Variants in IGF2R observed in about 807,000 individuals in gnomAD.
IGF2R encodes insulin like growth factor 2 receptor.
A neutral mutation model predicts 270.6 loss-of-function variants in IGF2R; 91 were observed. The ratio of observed to expected loss-of-function variants is 0.34; its 90% CI spans 0.28 to 0.40. The LOEUF (loss-of-function observed/expected upper bound fraction) is 0.40, where lower values mean the gene tolerates loss of function less well. Among genes scored for constraint, IGF2R ranks in the 10% least tolerant of loss-of-function variants. IGF2R has a pLI of 1.00. For synonymous variants in IGF2R, 1,316 were observed against 1,258.9 expected (o/e 1.05, Z -0.96); for missense variants, 2,805 against 3,188.3 (o/e 0.88, Z 2.90).
intron 13 of IGF2R, 25 bp from the exon 14 acceptor site, chr6:160,045,720 C>A (rs765629771): frequency 1.2e-6 from 2 of 1,613,506 alleles, no homozygotes; most frequent in Non-Finnish European, 1.7e-6. Context: ...GATTAGTGAT[C>A]CCCATCTCTT....
chr6:160,011,416 T>G (rs1784331167), intron 4 of IGF2R, among the ~76,000 whole-genome samples: 1 of 152,132 alleles, frequency 6.6e-6, no homozygotes, highest in Non-Finnish European at 1.5e-5. Context: ...TCTTCTTGGG[T>G]GCATGTATGT....
Position 160,084,172 on chromosome 6 carries a change from A to T in IGF2R, c.6056A>T (p.His2019Leu), listed in dbSNP as rs1297889559. Reference protein sequence around the residue: ...SSLTGSWSLVHNGVSYYINLC... With the variant: ...SSLTGSWSLVLNGVSYYINLC... ...CTCACCGGGTCCTGGTCCCTCGTCCACAACGGAGTCTCGTGAGTGCCTTCC... is the reference window on the plus strand; with the variant it reads ...CTCACCGGGTCCTGGTCCCTCGTCCTCAACGGAGTCTCGTGAGTGCCTTCC... Residue 2019 changes from histidine to leucine, a missense_variant, in exon 40 of 48, where the codon CAC becomes CTC. His to Leu is a moderately conservative substitution (Grantham distance 99). Coordinates refer to ENST00000356956, the MANE Select transcript of IGF2R (RefSeq NM_000876.4). The surrounding 1 kb of genome is among the most constrained non-coding windows in gnomAD (Gnocchi z 4.6). The T allele has an allele frequency of 6.2e-7, 1 of 1,610,560 alleles. No individual in the cohort carries two copies.
In IGF2R at chr6:160,062,603, C is replaced by A; in HGVS notation, c.3654C>A (p.Pro1218=). The A allele has an allele frequency of 1.2e-6, 2 of 1,613,206 alleles. No homozygotes were observed. The highest frequency in any genetic ancestry group is 1.7e-6 in the Non-Finnish European group (2 of 1,179,292). ...TCTGGAGAACTGTGGAAGCCTGTCC[C>A]GTTGTCAGAGTGGAAGGTAGGACTG... The part of the protein sequence containing the change: ...VFIWRTVEAC[P]VVRVEGDNCE... Residue 1218 remains proline, a synonymous_variant, in exon 26 of 48, where the codon CCC becomes CCA. Coordinates refer to ENST00000356956, the MANE Select transcript of IGF2R (RefSeq NM_000876.4).
At chr6:160,041,958 C>T (rs768186835) in intron 11 of IGF2R, among the ~76,000 whole-genome samples, 10 of 151,380 alleles carry the variant, frequency 6.6e-5, no homozygotes, top group East Asian at 5.8e-4. Context: ...GGGTTTCTTA[C>T]GGTGAACTGG....
At chr6:160,035,919 G>T (rs1185589139) in intron 10 of IGF2R, among the ~76,000 whole-genome samples, 1 of 152,162 alleles carries the variant, frequency 6.6e-6, no homozygotes, top group African/African-American at 2.4e-5. Flanking sequence ...AGGAAGTGCT[G>T]CCTGAGCCAC....
At chr6:160,082,940 T>G (rs1262857121) in intron 39 of IGF2R, among the ~76,000 whole-genome samples, 1 of 152,106 alleles carries the variant, frequency 6.6e-6, no homozygotes, top group Non-Finnish European at 1.5e-5. Flanking sequence ...TCCACACTTG[T>G]GGGTATTTCT....
chr6:160,069,075 G>A (rs1289093546), intron 30 of IGF2R, among the ~76,000 whole-genome samples: 1 of 152,034 alleles, frequency 6.6e-6, no homozygotes, highest in African/African-American at 2.4e-5. Context: ...CTTGGTGTGT[G>A]CCTGCGTATG....
chr6:159,992,904 C>T (rs1209971579), intron 2 of IGF2R, among the ~76,000 whole-genome samples: 4 of 152,138 alleles, frequency 2.6e-5, no homozygotes, highest in African/African-American at 9.7e-5. Context: ...CGTTTTTCTA[C>T]GTTCTTGCCA....
intron 1 of IGF2R, among the ~76,000 whole-genome samples, chr6:159,980,625 C>T (rs1474644310): frequency 6.6e-6 from 1 of 152,210 alleles, no homozygotes; most frequent in South Asian, 2.1e-4. Flanking sequence ...GAACCACCAC[C>T]TGGCGGTGGC....
At chr6:160,080,770 C>G (rs1291160103) in intron 39 of IGF2R, among the ~76,000 whole-genome samples, 1 of 152,090 alleles carries the variant, frequency 6.6e-6, no homozygotes, top group African/African-American at 2.4e-5. Context: ...TGAGAGGAGC[C>G]AACTGCTGTG....
chr6:160,026,360 A>T (rs1276813516), intron 5 of IGF2R, among the ~76,000 whole-genome samples: 1 of 152,218 alleles, frequency 6.6e-6, no homozygotes, highest in Admixed American at 6.5e-5. Context: ...TCTTTGATTA[A>T]TAAGGCAGGT....
Position 160,104,893 on chromosome 6 carries a change from G to A in IGF2R, c.7285G>A (p.Ala2429Thr). 6.2e-7 allele frequency: 1 copy of A among 1,614,140 alleles called. No individual in the cohort carries two copies. The highest frequency in any genetic ancestry group is 1.1e-5 in the South Asian group (1 of 91,082). The change falls in exon 48 of 48, where the codon GCA becomes ACA. Residue 2429 changes from alanine to threonine, a missense_variant. Physicochemically the swap from Ala to Thr is moderately conservative, Grantham distance 58. Transcript: ENST00000356956. ...AGTTCACTCGGGCAGGGGAGCTGGG[G>A]CAGAGAGCTCCCACCCAGTGAGAAA... is the stretch of plus-strand genomic sequence containing the variant. ...VKVHSGRGAG[A>T]ESSHPVRNAQ... is the part of the protein sequence containing the mutation.
intron 39 of IGF2R, among the ~76,000 whole-genome samples, chr6:160,083,279 G>A (rs1285498355): frequency 1.3e-5 from 2 of 152,152 alleles, no homozygotes; most frequent in South Asian, 2.1e-4. Context: ...ACATCTCAGC[G>A]GAGTAAAGAA....
chr6:159,986,331 A>G (rs1198613228), intron 1 of IGF2R, among the ~76,000 whole-genome samples: 1 of 150,008 alleles, frequency 6.7e-6, no homozygotes, highest in Non-Finnish European at 1.5e-5. Flanking sequence ...TCCTGGATTC[A>G]AGCTATTCTC....
At chr6:160,057,270 G>A (rs750255713) in intron 20 of IGF2R, among the ~76,000 whole-genome samples, 1 of 152,230 alleles carries the variant, frequency 6.6e-6, no homozygotes, top group Non-Finnish European at 1.5e-5. Flanking sequence ...ACCCTGCAGG[G>A]CATAGTAGTA....
intron 2 of IGF2R, among the ~76,000 whole-genome samples, chr6:160,000,594 T>C (rs1043496228): frequency 4.6e-5 from 7 of 152,118 alleles, no homozygotes; most frequent in African/African-American, 9.7e-5. Context: ...CTTTGAGAAG[T>C]TGGCAGAAAT....
intron 4 of IGF2R, among the ~76,000 whole-genome samples, chr6:160,015,917 G>A (rs539063435): frequency 8.9e-4 from 135 of 152,298 alleles, no homozygotes; most frequent in African/African-American, 3.1e-3. Flanking sequence ...TGCTTTTGCT[G>A]TGAGATATGC....
rs937152799 is a variant in IGF2R, at chr6:160,084,381, G to A, written c.6068+197G>A. 2.6e-5 allele frequency among the ~76,000 whole-genome samples: 4 copies of A among 152,210 alleles called. No homozygotes were observed. The highest frequency in any genetic ancestry group is 3.2e-3 in the Middle Eastern group (1 of 316). ...GGCACAGAGGGTGGTTCTGAGGTCA[G>A]AGTGGGGGCAGGAGCTTTGGTGACT... On this transcript the variant is annotated intron_variant, in intron 40 of 47. Transcript: ENST00000356956. The surrounding 1 kb of genome is among the most constrained non-coding windows in gnomAD (Gnocchi z 4.6).
chr6:159,981,331 GTGTC>G (rs1347804803), intron 1 of IGF2R, among the ~76,000 whole-genome samples: 1 of 151,918 alleles, frequency 6.6e-6, no homozygotes, highest in African/African-American at 2.4e-5. Flanking sequence ...GCAAGTGTGT[GTGTC>G]TGAGTGTGTG....
Sources: allele counts gnomAD v4.1 joint callset (sites outside exome capture counted in the v4.1 genomes callset), GRCh38; gene constraint gnomAD v4.1.1; non-coding constraint Gnocchi (gnomAD v3.1); transcripts MANE v1.5; gene names NCBI Gene and HGNC (gene_info 2026-07-23, HGNC 2026-07-21).